Variants in DHRS4L2 observed in about 807,000 individuals in gnomAD.
DHRS4L2 encodes the protein dehydrogenase/reductase 4 like 2, also known as dehydrogenase/reductase SDR family member 4-like 2.
Under a neutral mutation model 23.9 loss-of-function variants are expected in DHRS4L2, and 22 were observed. The ratio of observed to expected loss-of-function variants is 0.92; its 90% CI spans 0.66 to 1.31. The LOEUF is 1.31. DHRS4L2 is among the 40% of genes most tolerant of loss of function. The pLI, the probability that DHRS4L2 is intolerant of heterozygous loss-of-function variation, is 0.00. For missense variants in DHRS4L2, 385 were observed against 303.3 expected, an observed-to-expected ratio of 1.27 and a Z score of -2.00; for synonymous variants, 141 against 123.7, an observed-to-expected ratio of 1.14 and a Z score of -0.93.
Position 23,981,437 on chromosome 14 carries a change from A to G in DHRS4L2, c.-175-8745A>G, listed in dbSNP as rs556489948. Among the ~76,000 whole-genome samples the G allele has an allele frequency of 5.0e-4, 76 of 151,812 alleles. 2 individuals carry two copies. Among genetic ancestry groups the G allele is most frequent in the Admixed American group, 2.8e-3 (43 of 15,268 alleles). On this transcript the variant is annotated intron_variant, in intron 1 of 5. Coordinates refer to the DHRS4L2 transcript ENST00000534993. ...CAAGCTACTAATGACTTTCTTCACAAAATTGGAAAAAACTACTTTAAATTT... is the reference window on the plus strand; with the variant it reads ...CAAGCTACTAATGACTTTCTTCACAGAATTGGAAAAAACTACTTTAAATTT...
chr14:23,994,701 C>G (rs994249053), intron 2 of DHRS4L2, among the ~76,000 whole-genome samples: 19 of 151,668 alleles, frequency 1.3e-4, no homozygotes, highest in Non-Finnish European at 7.4e-5. Context: ...AAGAAAGAAG[C>G]CAACCTTAAA....
chr14:23,986,019 G>A (rs1170311510), upstream of DHRS4L2, among the ~76,000 whole-genome samples: 7 of 151,330 alleles, frequency 4.6e-5, 1 homozygote, highest in South Asian at 2.1e-4. Flanking sequence ...GACCACACCC[G>A]GCTCATTTTT....
chr14:23,972,084 C>CA (rs1168944826), intron 1 of DHRS4L2, among the ~76,000 whole-genome samples: 5 of 152,098 alleles, frequency 3.3e-5, no homozygotes, highest in East Asian at 1.9e-4. Context: ...TCAGGAGACC[C>CA]ATCTCACATG....
rs1293361017 is a variant in DHRS4L2, at chr14:23,977,537, C to G, written c.-176+7205C>G. Among the ~76,000 whole-genome samples the G allele has an allele frequency of 5.3e-5, 8 of 151,748 alleles. 1 individual carries two copies. The highest frequency in any genetic ancestry group is 8.8e-5 in the Non-Finnish European group (6 of 67,960). ...ATTCACTTTACGGGGAAAAATTCAT[C>G]AAAACTGCTTAAATCTGTGAAAATA... On this transcript the variant is annotated intron_variant, in intron 1 of 5. Coordinates refer to the DHRS4L2 transcript ENST00000534993.
At chr14:23,994,292 G>C (rs1453259725) in intron 2 of DHRS4L2, among the ~76,000 whole-genome samples, 1 of 151,830 alleles carries the variant, frequency 6.6e-6, no homozygotes, top group East Asian at 1.9e-4. Flanking sequence ...AGATTTTGGG[G>C]TGAGACTTGA....
At chr14:23,985,742 G>T (rs1029199425), upstream of DHRS4L2, among the ~76,000 whole-genome samples, 7 of 151,180 alleles carry the variant, frequency 4.6e-5, no homozygotes, top group East Asian at 1.9e-4. Context: ...AGATGGAGTC[G>T]CTCCTTCTGT....
At chr14:23,990,151 C>T in intron 1 of DHRS4L2, 31 bp from the exon 2 acceptor site, 3 of 1,611,914 alleles carry the variant, frequency 1.9e-6, no homozygotes, top group Non-Finnish European at 2.5e-6. Context: ...CTGCACAGGC[C>T]TTAGCAGTCT....
chr14:23,987,707 G>A (rs190186984), upstream of DHRS4L2, among the ~76,000 whole-genome samples: 8 of 151,738 alleles, frequency 5.3e-5, no homozygotes, highest in African/African-American at 1.9e-4. Flanking sequence ...CCACAATAAA[G>A]GACTGTTAAA....
intron 1 of DHRS4L2, 96 bp downstream of exon 1, chr14:23,989,171 C>G: frequency 6.6e-7 from 1 of 1,507,430 alleles, no homozygotes; most frequent in Admixed American, 2.1e-5. Flanking sequence ...CCTCAGACCT[C>G]ACATACCGCC....
chr14:23,987,145 T>C, upstream of DHRS4L2: 2 of 300,326 alleles, frequency 6.7e-6, no homozygotes, highest in Non-Finnish European at 6.6e-6. Flanking sequence ...TTTTTCTTTT[T>C]GTTGAGACAG....
Position 24,001,504 on chromosome 14 carries a change from G to A in DHRS4L2, c.652G>A (p.Ala218Thr), listed in dbSNP as rs369952854. ...NCLHLDLSRLASAGCSGWTRK... is the reference protein window; with the variant it reads ...NCLHLDLSRLTSAGCSGWTRK... ...CCTGCACCTGGACTTATCAAGACTA[G>A]CTTCAGCAGGATGGTGAGGAAGGGG... The change falls in exon 6 of 8, where the codon GCT becomes ACT. Residue 218 changes from alanine to threonine, a missense_variant. Coordinates refer to ENST00000335125, the MANE Select transcript of DHRS4L2 (RefSeq NM_198083.4). 1 of 1,602,748 alleles carries A rather than the reference G, an allele frequency of 6.2e-7. No individual in the cohort carries two copies.
At chr14:23,986,696 G>T (rs924490912), upstream of DHRS4L2, among the ~76,000 whole-genome samples, 1 of 151,280 alleles carries the variant, frequency 6.6e-6, no homozygotes, top group African/African-American at 2.4e-5. Context: ...CCCTCAGTGG[G>T]CCCGTCTACC....
intron 3 of DHRS4L2, among the ~76,000 whole-genome samples, chr14:23,998,456 C>A (rs1594474118): frequency 6.7e-6 from 1 of 149,760 alleles, no homozygotes; most frequent in Non-Finnish European, 1.5e-5. Flanking sequence ...GTTGTTTCAT[C>A]TACATTGAAA....
At position 24,001,042 on chromosome 14, in the gene DHRS4L2, A is replaced by G. The variant is rs776993805; in HGVS notation, c.489A>G (p.Ser163=). 3.1e-6 allele frequency: 5 copies of G among 1,611,322 alleles called. No individual in the cohort carries two copies. In the East Asian group the frequency reaches 1.1e-4, roughly 36 times the overall value. ...TCTCTTCTTTTTCCAGAGGCGGCTC[A>G]GTGGTGATCGTGTCTTCCATAGCAG... The part of the protein sequence containing the change: ...VPEMEKRGGG[S]VVIVSSIAAF... The change falls in exon 5 of 8, where the codon TCA becomes TCG. Residue 163 remains serine (S), a synonymous_variant. Coordinates refer to ENST00000335125, the MANE Select transcript of DHRS4L2 (RefSeq NM_198083.4).
intron 2 of DHRS4L2, among the ~76,000 whole-genome samples, chr14:23,993,954 A>C (rs527801308): frequency 2.7e-4 from 41 of 151,670 alleles, no homozygotes; most frequent in Non-Finnish European, 4.6e-4. Context: ...GTGCCCTGAA[A>C]AAATCACTTC....
At chr14:24,005,772 C>G in intron 7 of DHRS4L2, 114 bp from the exon 8 acceptor site, 1 of 1,543,226 alleles carries the variant, frequency 6.5e-7, no homozygotes, top group Non-Finnish European at 8.8e-7. Flanking sequence ...GTACACTGAT[C>G]CTGAAAAGTC....
intron 1 of DHRS4L2, among the ~76,000 whole-genome samples, chr14:23,983,632 A>G (rs1278431630): frequency 6.6e-6 from 1 of 151,776 alleles, no homozygotes; most frequent in Non-Finnish European, 1.5e-5. Flanking sequence ...GAACCAACCC[A>G]AATGCCCATC....
intron 2 of DHRS4L2, chr14:23,990,866 A>G: frequency 1.4e-5 from 8 of 590,854 alleles, no homozygotes; most frequent in Non-Finnish European, 1.7e-5. Context: ...AGATAGCTGG[A>G]GCAACTTCCC....
chr14:23,975,763 G>A (rs2033953665), intron 1 of DHRS4L2, among the ~76,000 whole-genome samples: 6 of 151,700 alleles, frequency 4.0e-5, no homozygotes, highest in Admixed American at 3.9e-4. Flanking sequence ...AGAGGCCTCA[G>A]AAATAATGGA....
Sources: allele counts gnomAD v4.1 joint callset (sites outside exome capture counted in the v4.1 genomes callset), GRCh38; gene constraint gnomAD v4.1.1; transcripts MANE v1.5; gene names NCBI Gene and HGNC (gene_info 2026-07-23, HGNC 2026-07-21).